Variants in RGS22 observed in about 807,000 individuals in gnomAD.
RGS22 encodes the protein regulator of G protein signaling 22.
In RGS22, 148 loss-of-function variants were observed where a neutral mutation model predicts 172.9. The observed-to-expected ratio is 0.86, with a 90% CI of 0.75 to 0.98. The LOEUF (loss-of-function observed/expected upper bound fraction) is 0.98. Ranked by LOEUF, RGS22 falls within the 50% of genes least tolerant of loss-of-function variation. The probability of loss-of-function intolerance (pLI) is 0.00; values close to 1 mark genes in which losing one functional copy is unlikely to be tolerated. For missense variants in RGS22, 1,347 were observed against 1,440.8 expected, an observed-to-expected ratio of 0.93 and a Z score of 1.05; for synonymous variants, 458 against 480.2, an observed-to-expected ratio of 0.95 and a Z score of 0.60.
At chr8:100,045,149 C>T (rs1057390870) in intron 11 of RGS22, among the ~76,000 whole-genome samples, 1 of 151,880 alleles carries the variant, frequency 6.6e-6, no homozygotes, top group African/African-American at 2.4e-5. Context: ...TGGCACACAC[C>T]TGTAGTCCTA....
At chr8:100,088,896 T>C (rs1046197491) in intron 3 of RGS22, among the ~76,000 whole-genome samples, 1 of 151,986 alleles carries the variant, frequency 6.6e-6, no homozygotes. Flanking sequence ...ATCTACACTC[T>C]AGGGCTTAGG....
intron 3 of RGS22, among the ~76,000 whole-genome samples, chr8:100,090,339 GGAA>G (rs1812481322): frequency 6.6e-6 from 1 of 152,076 alleles, no homozygotes; most frequent in Non-Finnish European, 1.5e-5. Context: ...TTTGAGCATG[GGAA>G]GAATAAGTGT....
chr8:100,101,577 G>A (rs866192824), intron 2 of RGS22, among the ~76,000 whole-genome samples: 7 of 150,402 alleles, frequency 4.7e-5, no homozygotes, highest in African/African-American at 1.7e-4. Context: ...ACAAGCATGA[G>A]CCACTGCGCC....
At chr8:100,056,951 G>A (rs531299011) in intron 9 of RGS22, among the ~76,000 whole-genome samples, 4 of 152,178 alleles carry the variant, frequency 2.6e-5, no homozygotes, top group South Asian at 2.1e-4. Flanking sequence ...CTGTGTGCCC[G>A]GAAAAGACGC....
intron 9 of RGS22, among the ~76,000 whole-genome samples, chr8:100,057,044 A>G (rs886379960): frequency 2.0e-5 from 3 of 152,238 alleles, no homozygotes; most frequent in African/African-American, 4.8e-5. Context: ...GCCCAAGACC[A>G]TGTGAACCCA....
At chr8:100,062,544 C>T (rs1196471316) in intron 9 of RGS22, 47 bp downstream of exon 9, 2 of 1,277,354 alleles carry the variant, frequency 1.6e-6, no homozygotes, top group Admixed American at 2.1e-5. Context: ...TAACTCATAA[C>T]TGGCGTAAGG....
At chr8:99,965,953 A>T (rs1416979004) in intron 23 of RGS22, among the ~76,000 whole-genome samples, 1 of 152,214 alleles carries the variant, frequency 6.6e-6, no homozygotes, top group Non-Finnish European at 1.5e-5. Flanking sequence ...AGTGTCTGCC[A>T]CATAGTATGC....
intron 14 of RGS22, among the ~76,000 whole-genome samples, chr8:100,011,690 G>A (rs938220851): frequency 2.6e-5 from 4 of 152,076 alleles, no homozygotes; most frequent in African/African-American, 7.2e-5. Context: ...CTCCAGCCTC[G>A]AGTTTTTAAT....
At chr8:99,998,649 T>A (rs967697808) in intron 19 of RGS22, among the ~76,000 whole-genome samples, 15 of 151,802 alleles carry the variant, frequency 9.9e-5, no homozygotes, top group African/African-American at 2.9e-4. Context: ...TAAAAAAAAA[T>A]TATTATTATT....
At chr8:100,091,302 A>G (rs1812569204) in intron 3 of RGS22, among the ~76,000 whole-genome samples, 1 of 152,040 alleles carries the variant, frequency 6.6e-6, no homozygotes, top group South Asian at 2.1e-4. Flanking sequence ...TCCAAAAAAA[A>G]AAAAAAAAGA....
At chr8:100,021,231 T>TA (rs1339929074) in intron 14 of RGS22, among the ~76,000 whole-genome samples, 1 of 152,212 alleles carries the variant, frequency 6.6e-6, no homozygotes, top group African/African-American at 2.4e-5. Context: ...ACAGTTTACT[T>TA]ACATACTCTG....
chr8:100,094,671 A>G (rs1349331302), intron 2 of RGS22, among the ~76,000 whole-genome samples: 1 of 152,252 alleles, frequency 6.6e-6, no homozygotes, highest in East Asian at 1.9e-4. Context: ...GTGCTCAAAG[A>G]AAGTCCTGAT....
In RGS22 at chr8:100,098,837, AT is replaced by A. The variant is rs763042158; in HGVS notation, c.55-5329del. Among the ~76,000 whole-genome samples the A allele has an allele frequency of 8.4e-5, 12 of 142,812 alleles. 1 individual carries two copies. In the South Asian group the frequency reaches 2.4e-3, roughly 28 times the overall value. The allele number at this position is 142,812 out of a possible 152,430, so 93.7% of individuals were successfully genotyped here. ...GCTCCCCTGCCCCTGACCCCCTTTT[AT>A]TTTTTTATTTATTTTATTATTTTAT... On this transcript the variant is annotated intron_variant, in intron 2 of 27. Transcript: ENST00000360863.
At chr8:100,029,702 C>CAAAA (rs369058108) in intron 14 of RGS22, among the ~76,000 whole-genome samples, 12 of 61,978 alleles carry the variant, frequency 1.9e-4, no homozygotes, top group East Asian at 4.7e-4. Context: ...AACTCCGTCT[C>CAAAA]AAAAAAAAAA....
intron 4 of RGS22, among the ~76,000 whole-genome samples, chr8:100,079,691 G>A (rs1261707241): frequency 2.0e-5 from 3 of 152,104 alleles, no homozygotes; most frequent in East Asian, 3.9e-4. Flanking sequence ...TCATGCTAAG[G>A]AGACAAAATC....
chr8:100,097,534 T>C (rs1050409747), intron 2 of RGS22, among the ~76,000 whole-genome samples: 11 of 152,218 alleles, frequency 7.2e-5, no homozygotes, highest in African/African-American at 2.4e-4. Context: ...GTGTTCACTA[T>C]ACAATTCTTT....
At chr8:100,098,244 G>A (rs769972078) in intron 2 of RGS22, among the ~76,000 whole-genome samples, 14 of 152,168 alleles carry the variant, frequency 9.2e-5, no homozygotes, top group Non-Finnish European at 1.9e-4. Flanking sequence ...CCTTTAGATA[G>A]TAAATGTTTA....
At chr8:99,968,391 T>C (rs1303848303) in intron 23 of RGS22, among the ~76,000 whole-genome samples, 1 of 152,018 alleles carries the variant, frequency 6.6e-6, no homozygotes, top group Non-Finnish European at 1.5e-5. Context: ...GTTTGACGAA[T>C]TGACAGAAAT....
intron 4 of RGS22, among the ~76,000 whole-genome samples, chr8:100,073,814 C>T (rs1454970207): frequency 1.3e-5 from 2 of 152,118 alleles, no homozygotes; most frequent in East Asian, 1.9e-4. Context: ...AATTCATCCT[C>T]TTTTGAGTGT....
Sources: allele counts gnomAD v4.1 joint callset (sites outside exome capture counted in the v4.1 genomes callset), GRCh38; gene constraint gnomAD v4.1.1; transcripts MANE v1.5; gene names NCBI Gene and HGNC (gene_info 2026-07-23, HGNC 2026-07-21).